The following CDKL2 variants were observed in gnomAD, a reference collection of about 807,000 sequenced individuals.
CDKL2 encodes the protein cyclin-dependent kinase-like 2.
A neutral mutation model predicts 63.9 loss-of-function variants in CDKL2; 64 were observed. The ratio of observed to expected loss-of-function variants is 1.00; its 90% CI spans 0.82 to 1.23. The LOEUF (loss-of-function observed/expected upper bound fraction) is 1.23. Among genes scored for constraint, CDKL2 ranks in the 50% most tolerant of loss-of-function variants. The pLI is 0.00. For missense variants in CDKL2, 656 were observed against 668.0 expected (o/e 0.98, Z 0.20); for synonymous variants, 211 against 229.2 (o/e 0.92, Z 0.72).
intron 13 of CDKL2, among the ~76,000 whole-genome samples, chr4:75,580,854 C>A (rs1390929524): frequency 6.7e-6 from 1 of 149,756 alleles, no homozygotes; most frequent in Non-Finnish European, 1.5e-5. Context: ...GCGCCCGCTA[C>A]CACACCCGGC....
chr4:75,614,994 G>A (rs960655330), intron 2 of CDKL2, among the ~76,000 whole-genome samples: 5 of 111,860 alleles, frequency 4.5e-5, no homozygotes, highest in African/African-American at 2.4e-4. Context: ...ATAGACAGCA[G>A]TGAAAACATC....
chr4:75,622,976 A>T (rs1476366304), intron 2 of CDKL2, among the ~76,000 whole-genome samples: 1 of 152,086 alleles, frequency 6.6e-6, no homozygotes, highest in Non-Finnish European at 1.5e-5. Flanking sequence ...TCTACCAGAT[A>T]TAAAAACTTA....
intron 12 of CDKL2, among the ~76,000 whole-genome samples, chr4:75,586,493 G>A (rs933995206): frequency 6.6e-6 from 1 of 152,086 alleles, no homozygotes; most frequent in Non-Finnish European, 1.5e-5. Context: ...GCCTCCCAAA[G>A]TGCTGGGATT....
chr4:75,623,364 T>C (rs948311956), intron 2 of CDKL2, among the ~76,000 whole-genome samples: 1 of 152,036 alleles, frequency 6.6e-6, no homozygotes, highest in Non-Finnish European at 1.5e-5. Flanking sequence ...CAGAATAAAA[T>C]CTTACCTATA....
chr4:75,616,750 T>TCTTTAAAACATCTA (rs1560591355), intron 2 of CDKL2, among the ~76,000 whole-genome samples: 1 of 34,164 alleles, frequency 2.9e-5, no homozygotes, highest in East Asian at 1.2e-3. Flanking sequence ...AAATGTTTTT[T>TCTTTAAAACATCTA]AAAGAGTTAT....
chr4:75,610,202 CAA>C (rs11298860), intron 3 of CDKL2, among the ~76,000 whole-genome samples: 5 of 144,858 alleles, frequency 3.5e-5, no homozygotes, highest in Non-Finnish European at 1.5e-5. Context: ...GCCTCCATCT[CAA>C]AAAAAAAAAG....
At chr4:75,622,516 T>C (rs1416770866) in intron 2 of CDKL2, among the ~76,000 whole-genome samples, 1 of 151,416 alleles carries the variant, frequency 6.6e-6, no homozygotes, top group Non-Finnish European at 1.5e-5. Context: ...GTCAGGAGTT[T>C]GAGACCAGCC....
Position 75,614,363 on chromosome 4 carries a change from G to A in CDKL2, c.255C>T (p.His85=). The part of the protein sequence containing the change: ...RWYLVFEFVD[H]TILDDLELFP... ...AGAGCTCCAAGTCATCAAGAATTGT[G>A]TGGTCAACAAATTCAAAGACTAGGT... The change falls in exon 3 of 14, where the codon CAC becomes CAT. Residue 85 remains histidine (H), a synonymous_variant. Transcript: ENST00000307465. The A allele has an allele frequency of 6.2e-7, 1 of 1,610,848 alleles. No homozygotes were observed. Among genetic ancestry groups the A allele is most frequent in the Non-Finnish European group, 8.5e-7 (1 of 1,178,192 alleles).
At position 75,587,811 on chromosome 4, in the gene CDKL2, G is replaced by C. The variant is rs370406929; in HGVS notation, c.1647+4008C>G. On this transcript the variant is annotated intron_variant, in intron 12 of 13. Transcript: ENST00000307465. ...CCCAGCTACTTGGGAGGCTGAGGCAGGAGGATGGCATGAACCTGGGAGGCA... is the reference window on the plus strand; with the variant it reads ...CCCAGCTACTTGGGAGGCTGAGGCACGAGGATGGCATGAACCTGGGAGGCA... 2.1e-4 allele frequency among the ~76,000 whole-genome samples: 32 copies of C among 151,876 alleles called. No individual in the cohort carries two copies. In the East Asian group the frequency reaches 5.8e-3, roughly 28 times the overall value.
chr4:75,619,778 G>A (rs1174803987), intron 2 of CDKL2, among the ~76,000 whole-genome samples: 1 of 152,116 alleles, frequency 6.6e-6, no homozygotes, highest in African/African-American at 2.4e-5. Context: ...GTGATTTGGA[G>A]TTGAGAGACA....
chr4:75,588,544 G>A (rs1288449097), intron 12 of CDKL2, among the ~76,000 whole-genome samples: 6 of 152,134 alleles, frequency 3.9e-5, no homozygotes, highest in Non-Finnish European at 8.8e-5. Context: ...TACTGTTAAA[G>A]AAGAGAATAG....
intron 6 of CDKL2, among the ~76,000 whole-genome samples, chr4:75,603,184 T>C (rs1301686112): frequency 1.4e-5 from 2 of 146,862 alleles, no homozygotes; most frequent in Non-Finnish European, 3.0e-5. Context: ...TATTTTTTAG[T>C]AGAGACGGGG....
At chr4:75,583,223 T>C (rs1372754844) in intron 12 of CDKL2, among the ~76,000 whole-genome samples, 2 of 152,236 alleles carry the variant, frequency 1.3e-5, no homozygotes, top group Non-Finnish European at 2.9e-5. Flanking sequence ...GTTCTGGAGA[T>C]ATGTAAATGT....
intron 6 of CDKL2, among the ~76,000 whole-genome samples, chr4:75,600,822 C>T (rs1372446340): frequency 1.3e-5 from 2 of 152,064 alleles, no homozygotes; most frequent in Non-Finnish European, 2.9e-5. Context: ...AGACAATGAC[C>T]GTCAGTGGTT....
Position 75,607,325 on chromosome 4 carries a change from C to T in CDKL2, c.400G>A (p.Val134Ile). The T allele has an allele frequency of 4.3e-6, 7 of 1,613,894 alleles. No homozygotes were observed. The highest frequency in any genetic ancestry group is 1.1e-5 in the South Asian group (1 of 91,064). The part of the protein sequence containing the change: ...HRDIKPENIL[V>I]SQSGVVKLCD... ...AGCTTGACAACGCCAGACTGGGAGA[C>T]TAATATATTCTCTGGCTTTATATCT... Residue 134 changes from valine (V) to isoleucine (I), a missense_variant, in exon 4 of 14, where the codon GTC (valine) becomes ATC (isoleucine). Transcript: ENST00000307465.
At chr4:75,617,842 C>T (rs1200824803) in intron 2 of CDKL2, among the ~76,000 whole-genome samples, 1 of 152,148 alleles carries the variant, frequency 6.6e-6, no homozygotes, top group Non-Finnish European at 1.5e-5. Context: ...GTGGCTCATG[C>T]CTGTAATCCC....
intron 6 of CDKL2, among the ~76,000 whole-genome samples, chr4:75,603,243 A>G (rs945582852): frequency 7.5e-6 from 1 of 134,134 alleles, no homozygotes; most frequent in African/African-American, 2.8e-5. Flanking sequence ...CTCATGATCC[A>G]CCCGCCTCGG....
intron 6 of CDKL2, among the ~76,000 whole-genome samples, chr4:75,601,280 G>C (rs1292101125): frequency 6.6e-6 from 1 of 152,028 alleles, no homozygotes; most frequent in Non-Finnish European, 1.5e-5. Flanking sequence ...GGAAAGGAAA[G>C]GATTTATCCT....
Position 75,603,955 on chromosome 4 carries a change from A to G in CDKL2, c.657T>C (p.Gly219=), listed in dbSNP as rs1445484388. The change falls in exon 6 of 14, where the codon GGT becomes GGC. Residue 219 remains glycine, a splice_region_variant and synonymous_variant. Transcript: ENST00000307465. ...DQLYHIMMCL[G]NLIPRHQELF... ...GCTCCTGATGCCTTGGAATTAGATTACCTGGAAGTGAAAACAGCACATATC... is the reference window on the plus strand; with the variant it reads ...GCTCCTGATGCCTTGGAATTAGATTGCCTGGAAGTGAAAACAGCACATATC... 4 of 1,604,044 alleles carry G rather than the reference A, an allele frequency of 2.5e-6. No homozygotes were observed. In the Admixed American group the frequency reaches 7.1e-5, roughly 28 times the overall value.
Sources: gnomAD v4.1 joint callset for allele counts (sites outside exome capture counted in the v4.1 genomes callset) on GRCh38, gnomAD v4.1.1 for gene constraint, MANE v1.5 for transcripts, NCBI Gene and HGNC (gene_info 2026-07-23, HGNC 2026-07-21) for gene names.